The following MACROD2 variants were observed in gnomAD, a reference collection of about 807,000 sequenced individuals.
MACROD2 encodes mono-ADP ribosylhydrolase 2, also known as ADP-ribose glycohydrolase MACROD2.
In MACROD2, 36 loss-of-function variants were observed where a neutral mutation model predicts 70.4. The ratio of observed to expected loss-of-function variants is 0.51; its 90% CI spans 0.39 to 0.68. The LOEUF is 0.68. Among genes scored for constraint, MACROD2 ranks in the 30% least tolerant of loss-of-function variants. The probability of loss-of-function intolerance (pLI) is 0.00; values close to 1 mark genes in which losing one functional copy is unlikely to be tolerated. For synonymous variants in MACROD2, 172 were observed against 178.8 expected (o/e 0.96, Z 0.30); for missense variants, 496 against 538.4 (o/e 0.92, Z 0.78).
intron 8 of MACROD2, among the ~76,000 whole-genome samples, chr20:15,772,104 ATAT>A (rs1568552427): frequency 0.021 from 1,604 of 78,070 alleles, 43 homozygotes; most frequent in African/African-American, 0.07. Flanking sequence ...AAAAAAAAAT[ATAT>A]ATATATATAT....
chr20:15,205,338 G>C (rs563162971), intron 5 of MACROD2, among the ~76,000 whole-genome samples: 1 of 152,224 alleles, frequency 6.6e-6, no homozygotes, highest in South Asian at 2.1e-4. Flanking sequence ...TACTGTTAAA[G>C]TGTGAGTCCA....
intron 3 of MACROD2, among the ~76,000 whole-genome samples, chr20:14,187,139 GAA>G (rs71335951): frequency 0.012 from 1,308 of 112,942 alleles, 23 homozygotes; most frequent in African/African-American, 0.038. Flanking sequence ...TTTAAAAAAG[GAA>G]AAAAAAAAAA....
intron 5 of MACROD2, among the ~76,000 whole-genome samples, chr20:15,169,221 G>A (rs2076406636): frequency 6.6e-6 from 1 of 152,160 alleles, no homozygotes; most frequent in Non-Finnish European, 1.5e-5. Flanking sequence ...AAAGTAGCTT[G>A]TGTTTGTATT....
chr20:16,046,248 T>C (rs1347250851), intron 17 of MACROD2, among the ~76,000 whole-genome samples: 1 of 152,150 alleles, frequency 6.6e-6, no homozygotes, highest in Non-Finnish European at 1.5e-5. Context: ...TAAAACTAAA[T>C]GTAATGGTAT....
At chr20:15,619,633 T>C in intron 8 of MACROD2, 1 of 440,568 alleles carries the variant, frequency 2.3e-6, no homozygotes, top group Non-Finnish European at 4.0e-6. Flanking sequence ...GGCCATGTTG[T>C]AGTCTCCTGA....
chr20:14,963,421 G>A (rs1170119861), intron 5 of MACROD2, among the ~76,000 whole-genome samples: 1 of 152,104 alleles, frequency 6.6e-6, no homozygotes, highest in Non-Finnish European at 1.5e-5. Context: ...GGACGCTTGG[G>A]TTTTGACTAA....
At chr20:16,002,755 T>A (rs966519033) in intron 15 of MACROD2, among the ~76,000 whole-genome samples, 1 of 152,068 alleles carries the variant, frequency 6.6e-6, no homozygotes. Flanking sequence ...AGAAAATCAG[T>A]TTGCATTGTG....
intron 2 of MACROD2, among the ~76,000 whole-genome samples, chr20:14,038,978 T>A (rs1237331435): frequency 6.6e-6 from 1 of 152,176 alleles, no homozygotes; most frequent in Non-Finnish European, 1.5e-5. Context: ...ATAAACTATA[T>A]TTTACAAATT....
intron 3 of MACROD2, among the ~76,000 whole-genome samples, chr20:14,406,049 G>T (rs2083687562): frequency 6.6e-6 from 1 of 152,112 alleles, no homozygotes; most frequent in South Asian, 2.1e-4. Flanking sequence ...GATGGAAAAT[G>T]AGAATATTTA....
At chr20:14,485,484 G>A (rs1014409973) in intron 3 of MACROD2, among the ~76,000 whole-genome samples, 4 of 152,036 alleles carry the variant, frequency 2.6e-5, no homozygotes, top group Admixed American at 1.3e-4. Flanking sequence ...GGCGAATCAC[G>A]AGGTCGGGAA....
At chr20:14,580,085 A>G (rs1395319367) in intron 4 of MACROD2, among the ~76,000 whole-genome samples, 2 of 152,228 alleles carry the variant, frequency 1.3e-5, no homozygotes, top group African/African-American at 4.8e-5. Flanking sequence ...GAATTTTTCA[A>G]AGCAGGTTGA....
chr20:15,946,475 C>T lies in MACROD2; in HGVS notation c.907+8931C>T, dbSNP rs997690686. On this transcript the variant is annotated intron_variant, in intron 12 of 17. Transcript: ENST00000684519. ...ATTTTCACCTTTCTTGATTTCTGTT[C>T]TCTTCATTACAATTCACCCCATAGA... is the stretch of plus-strand genomic sequence containing the variant. Among the ~76,000 whole-genome samples, 5 of 152,204 alleles carry T rather than the reference C, an allele frequency of 3.3e-5. No homozygotes were observed. In the South Asian group the frequency reaches 6.2e-4, roughly 19 times the overall value.
In MACROD2 at chr20:15,233,908, A is replaced by T. The variant is rs552308387; in HGVS notation, c.540+3847A>T. 2.9e-4 allele frequency among the ~76,000 whole-genome samples: 42 copies of T among 143,054 alleles called. No homozygotes were observed. In the East Asian group the frequency reaches 8.4e-3, roughly 29 times the overall value. 93.8% of individuals were successfully genotyped at this position (143,054 alleles called of 152,430 possible). A position where few individuals can be genotyped will look rare whatever the true frequency, so the allele number is the denominator to read the frequency against. On this transcript the variant is annotated intron_variant, in intron 6 of 17. Transcript: ENST00000684519. ...TTCCAAATATTATTCCTTATTCCAAATATTAAAGTCAGTTATTTTTATTTA... is the reference window on the plus strand; with the variant it reads ...TTCCAAATATTATTCCTTATTCCAATTATTAAAGTCAGTTATTTTTATTTA...
intron 3 of MACROD2, among the ~76,000 whole-genome samples, chr20:14,434,338 T>C (rs1200325310): frequency 1.3e-5 from 2 of 152,202 alleles, no homozygotes; most frequent in Non-Finnish European, 2.9e-5. Context: ...TTCATAGTTA[T>C]GGCTTTCTAC....
At chr20:15,959,976 G>A (rs1415386311) in intron 12 of MACROD2, among the ~76,000 whole-genome samples, 1 of 152,192 alleles carries the variant, frequency 6.6e-6, no homozygotes, top group Non-Finnish European at 1.5e-5. Flanking sequence ...TACACACTGA[G>A]GTTGCTTGGT....
chr20:15,585,184 TTTC>T (rs1260869932), intron 8 of MACROD2, among the ~76,000 whole-genome samples: 5 of 150,670 alleles, frequency 3.3e-5, no homozygotes, highest in Non-Finnish European at 5.9e-5. Context: ...AGGGTTCTTT[TTTC>T]TTCTTCTTTT....
chr20:15,239,705 T>C (rs919168085), intron 6 of MACROD2, among the ~76,000 whole-genome samples: 11 of 152,124 alleles, frequency 7.2e-5, no homozygotes, highest in Non-Finnish European at 1.2e-4. Context: ...GAAAAGCTTA[T>C]AGACCAAATT....
intron 5 of MACROD2, among the ~76,000 whole-genome samples, chr20:15,168,598 GC>G (rs1302518208): frequency 6.6e-6 from 1 of 152,036 alleles, no homozygotes; most frequent in East Asian, 1.9e-4. Flanking sequence ...ATTCACAAAG[GC>G]CAAAAGGTGG....
intron 5 of MACROD2, among the ~76,000 whole-genome samples, chr20:14,840,614 A>G (rs1280500027): frequency 6.6e-6 from 1 of 152,050 alleles, no homozygotes; most frequent in Non-Finnish European, 1.5e-5. Context: ...ACTATAATCA[A>G]TACTCTTATC....
Sources: allele counts gnomAD v4.1 joint callset (sites outside exome capture counted in the v4.1 genomes callset), GRCh38; gene constraint gnomAD v4.1.1; transcripts MANE v1.5; gene names NCBI Gene and HGNC (gene_info 2026-07-23, HGNC 2026-07-21).